ELAPOR1: variants seen among roughly 807,000 people sequenced by gnomAD.
ELAPOR1 encodes the protein endosome/lysosome-associated apoptosis and autophagy regulator 1.
ELAPOR1 carries 77 observed loss-of-function variants against 119.7 expected under a neutral mutation model. That is an observed-to-expected ratio of 0.64 (90% CI 0.54 to 0.78). The LOEUF (loss-of-function observed/expected upper bound fraction) is 0.78, where lower values mean the gene tolerates loss of function less well. Ranked by LOEUF, ELAPOR1 falls within the 30% of genes least tolerant of loss-of-function variation. ELAPOR1 has a pLI of 0.00. For synonymous variants in ELAPOR1, 481 were observed against 487.2 expected, an observed-to-expected ratio of 0.99 and a Z score of 0.17; for missense variants, 1,115 against 1,270.4, an observed-to-expected ratio of 0.88 and a Z score of 1.86.
intron 1 of ELAPOR1, among the ~76,000 whole-genome samples, chr1:109,148,838 A>C (rs1650349452): frequency 6.6e-6 from 1 of 152,268 alleles, no homozygotes; most frequent in Non-Finnish European, 1.5e-5. Flanking sequence ...ATAACTTCAT[A>C]AAGCCCTGCC....
At chr1:109,143,867 C>G (rs1269536673) in intron 1 of ELAPOR1, among the ~76,000 whole-genome samples, 1 of 151,134 alleles carries the variant, frequency 6.6e-6, no homozygotes, top group Non-Finnish European at 1.5e-5. Flanking sequence ...CGCCATGTTG[C>G]CCAGGCTGAT....
At chr1:109,190,140 G>GCA (rs144431690) in intron 11 of ELAPOR1, among the ~76,000 whole-genome samples, 3,751 of 150,990 alleles carry the variant, frequency 0.025, 164 homozygotes, top group African/African-American at 0.083. Flanking sequence ...AAACAAACAC[G>GCA]CACACACACA....
chr1:109,176,307 G>GA (rs1180163470), intron 7 of ELAPOR1, among the ~76,000 whole-genome samples: 4 of 152,140 alleles, frequency 2.6e-5, no homozygotes, highest in African/African-American at 9.7e-5. Context: ...GACAGGTTCT[G>GA]AAACAAACAA....
chr1:109,140,804 G>A (rs1348048207), intron 1 of ELAPOR1, among the ~76,000 whole-genome samples: 2 of 152,166 alleles, frequency 1.3e-5, no homozygotes, highest in Admixed American at 1.3e-4. Context: ...ATATTTTAAA[G>A]AAATAAGTGA....
At chr1:109,172,847 C>A (rs977825303) in intron 5 of ELAPOR1, among the ~76,000 whole-genome samples, 2 of 152,172 alleles carry the variant, frequency 1.3e-5, no homozygotes, top group Non-Finnish European at 2.9e-5. Context: ...GTAATCCCAG[C>A]ACTTTGGGAG....
chr1:109,185,261 G>A, intron 8 of ELAPOR1, 128 bp downstream of exon 8: 2 of 715,864 alleles, frequency 2.8e-6, no homozygotes, highest in Non-Finnish European at 4.9e-6. Flanking sequence ...AGACCTTTGA[G>A]GTGACCCTAG....
intron 1 of ELAPOR1, among the ~76,000 whole-genome samples, chr1:109,156,378 A>C (rs1363465250): frequency 6.6e-6 from 1 of 152,186 alleles, no homozygotes; most frequent in Non-Finnish European, 1.5e-5. Flanking sequence ...TCTACGGTTC[A>C]GTGGCATGAA....
chr1:109,129,245 C>G (rs886753510), intron 1 of ELAPOR1, among the ~76,000 whole-genome samples: 2 of 152,158 alleles, frequency 1.3e-5, no homozygotes, highest in African/African-American at 4.8e-5. Flanking sequence ...AGCGGTGGCT[C>G]ACACCTGTAA....
intron 1 of ELAPOR1, among the ~76,000 whole-genome samples, chr1:109,121,299 A>G (rs958372098): frequency 6.6e-6 from 1 of 151,944 alleles, no homozygotes; most frequent in South Asian, 2.1e-4. Context: ...GGCATCTGCC[A>G]TCACTCCCGG....
At position 109,194,425 on chromosome 1, in the gene ELAPOR1, A is replaced by C; in HGVS notation, c.1952A>C (p.His651Pro). Residue 651 changes from histidine to proline, a missense_variant, in exon 15 of 22, where the codon CAC (histidine) becomes CCC (proline). By Grantham distance (77) the His-to-Pro change is moderately conservative. Transcript: ENST00000369939. ...ACCCGTCCCTCTCCCCCTCAGATCC[A>C]CTCTCTGTGCTACAACGATTGCACC... is the stretch of plus-strand genomic sequence containing the variant. ...CGPGTKNNKI[H>P]SLCYNDCTFS... The C allele has an allele frequency of 6.2e-7, 1 of 1,613,090 alleles. No individual in the cohort carries two copies. Among genetic ancestry groups the C allele is most frequent in the Non-Finnish European group, 8.5e-7 (1 of 1,179,490 alleles).
chr1:109,182,933 A>T (rs1652788013), intron 7 of ELAPOR1, among the ~76,000 whole-genome samples: 1 of 151,874 alleles, frequency 6.6e-6, no homozygotes, highest in Admixed American at 6.6e-5. Flanking sequence ...ATAAAGAGAG[A>T]GAAGTTCTTA....
chr1:109,177,527 C>T (rs1652421760), intron 7 of ELAPOR1, among the ~76,000 whole-genome samples: 1 of 141,804 alleles, frequency 7.1e-6, no homozygotes, highest in Non-Finnish European at 1.5e-5. Context: ...CTCCTCACTT[C>T]CCAGACGGGG....
At chr1:109,200,359 T>C in intron 20 of ELAPOR1, 122 bp downstream of exon 20, 1 of 1,166,552 alleles carries the variant, frequency 8.6e-7, no homozygotes, top group Non-Finnish European at 1.2e-6. Flanking sequence ...CTGTGACTTA[T>C]CCAGTGCATG....
chr1:109,199,556 A>G (rs939247683), intron 18 of ELAPOR1, among the ~76,000 whole-genome samples: 5 of 150,856 alleles, frequency 3.3e-5, no homozygotes, highest in African/African-American at 1.2e-4. Flanking sequence ...GGAACCTCAA[A>G]GGGGTTGATG....
chr1:109,186,473 C>A, intron 8 of ELAPOR1: 1 of 984,790 alleles, frequency 1.0e-6, no homozygotes, highest in Non-Finnish European at 1.2e-6. Context: ...CCTAACTAAG[C>A]ATGGGTTAAA....
chr1:109,123,068 G>T (rs1648548262), intron 1 of ELAPOR1, among the ~76,000 whole-genome samples: 2 of 152,246 alleles, frequency 1.3e-5, no homozygotes, highest in Non-Finnish European at 1.5e-5. Context: ...CAGCGTGGCT[G>T]ATCTATGCTG....
chr1:109,147,072 A>ATTTTTTTTTTTTTTTTT (rs35132655), intron 1 of ELAPOR1, among the ~76,000 whole-genome samples: 1 of 141,256 alleles, frequency 7.1e-6, no homozygotes. Context: ...CGCCTGGCTA[A>ATTTTTTTTTTTTTTTTT]TTTTTTTTTT....
chr1:109,122,967 C>A (rs965950464), intron 1 of ELAPOR1, among the ~76,000 whole-genome samples: 3 of 152,094 alleles, frequency 2.0e-5, no homozygotes, highest in Admixed American at 6.6e-5. Context: ...TATTAGTTAG[C>A]TTTTGCTGTA....
At chr1:109,140,351 A>AG (rs910567616) in intron 1 of ELAPOR1, among the ~76,000 whole-genome samples, 4 of 152,186 alleles carry the variant, frequency 2.6e-5, no homozygotes, top group African/African-American at 9.6e-5. Flanking sequence ...GCTAGGGTGC[A>AG]GGGTTGGAAT....
Sources: allele counts gnomAD v4.1 joint callset (sites outside exome capture counted in the v4.1 genomes callset), GRCh38; gene constraint gnomAD v4.1.1; transcripts MANE v1.5; gene names NCBI Gene and HGNC (gene_info 2026-07-23, HGNC 2026-07-21).